FANCG: variants seen among roughly 807,000 people sequenced by gnomAD.
FANCG encodes Fanconi anemia group G protein.
A neutral mutation model predicts 73.3 loss-of-function variants in FANCG; 67 were observed. The observed-to-expected ratio is 0.91, with a 90% CI of 0.75 to 1.12. FANCG has a LOEUF of 1.12. FANCG is among the 50% of genes most tolerant of loss of function. The pLI, the probability that FANCG is intolerant of heterozygous loss-of-function variation, is 0.00. For missense variants in FANCG, 643 were observed against 735.6 expected, an observed-to-expected ratio of 0.87 and a Z score of 1.46; for synonymous variants, 297 against 311.6, an observed-to-expected ratio of 0.95 and a Z score of 0.49.
chr9:35,076,316 T>C lies in FANCG; in HGVS notation c.1076+116A>G, dbSNP rs901884441. ...GGTAAGAGGCTGAGGAGTGGCGACCTATGTCCTGCCACTGCCTCATTCATC... is the reference window on the plus strand; with the variant it reads ...GGTAAGAGGCTGAGGAGTGGCGACCCATGTCCTGCCACTGCCTCATTCATC... On this transcript the variant is annotated intron_variant, in intron 8 of 13. Coordinates refer to ENST00000378643, the MANE Select transcript of FANCG (RefSeq NM_004629.2). The C allele has an allele frequency of 1.1e-5, 14 of 1,264,642 alleles. No individual in the cohort carries two copies. In the African/African-American group the frequency reaches 2.1e-4, roughly 19 times the overall value. The allele number at this position is 1,264,642 out of a possible 1,614,324, so 78.3% of individuals were successfully genotyped here.
At chr9:35,074,608 T>C (rs1829046887) in intron 12 of FANCG, 114 bp from the exon 13 acceptor site, 1 of 1,398,796 alleles carries the variant, frequency 7.1e-7, no homozygotes, top group African/African-American at 1.4e-5. Flanking sequence ...TACACTCACA[T>C]ATGGAAGCGG....
chr9:35,076,627 CATACTTCCTT>C, intron 7 of FANCG, 44 bp from the exon 8 acceptor site: 2 of 1,614,074 alleles, frequency 1.2e-6, no homozygotes, highest in Non-Finnish European at 1.7e-6. Context: ...CTTTGGGAGC[CATACTTCCTT>C]ATACTTGGAT....
intron 13 of FANCG, 56 bp from the exon 14 acceptor site, chr9:35,074,272 G>C (rs1829037521): frequency 6.2e-7 from 1 of 1,610,198 alleles, no homozygotes; most frequent in Non-Finnish European, 8.5e-7. Flanking sequence ...AAGCTGGGCA[G>C]CCATACCCCC....
chr9:35,079,646 G>T lies in FANCG; in HGVS notation c.-122C>A. On this transcript the variant is annotated 5_prime_UTR_variant, in exon 1 of 14. Coordinates refer to ENST00000378643, the MANE Select transcript of FANCG (RefSeq NM_004629.2). The stretch of plus-strand genomic sequence containing the variant: ...CTTCTGCACCCCGCCGAGCTCCCCT[G>T]CTTCTCTCGGGGTCCCAATCCACCC... The T allele has an allele frequency of 2.4e-5, 23 of 949,702 alleles. No homozygotes were observed. The South Asian group carries it at 2.9e-4, about 12-fold the overall frequency. 58.8% of individuals were successfully genotyped at this position (949,702 alleles called of 1,614,324 possible).
Position 35,075,577 on chromosome 9 carries a change from C to T in FANCG, c.1321G>A (p.Gly441Arg). ...MSRLWEDARK[G>R]TKELPYCPLW... ...GGGCAGTATGGCAGTTCCTTGGTTC[C>T]TTTTCTGGCATCTTCCCACAGCCGG... The change falls in exon 10 of 14, where the codon GGA becomes AGA. Residue 441 changes from glycine (G) to arginine (R), a missense_variant. By Grantham distance (125) the Gly-to-Arg change is moderately radical (BLOSUM62 -2). Coordinates refer to ENST00000378643, the MANE Select transcript of FANCG (RefSeq NM_004629.2). 1 of 1,614,124 alleles carries T rather than the reference C, an allele frequency of 6.2e-7. No homozygotes were observed. The highest frequency in any genetic ancestry group is 8.5e-7 in the Non-Finnish European group (1 of 1,180,014).
intron 7 of FANCG, 34 bp downstream of exon 7, chr9:35,076,687 ATCC>A: frequency 6.2e-7 from 1 of 1,614,200 alleles, no homozygotes; most frequent in East Asian, 2.2e-5. Context: ...CACCTCAGGA[ATCC>A]TCCACCCCAC....
rs1269692271 is a variant in FANCG at position 35,076,450 on chromosome 9, C to G, written c.1058G>C (p.Arg353Thr). 8 of 1,614,018 alleles carry G rather than the reference C, an allele frequency of 5.0e-6. No homozygotes were observed. The highest frequency in any genetic ancestry group is 1.6e-4 in the Middle Eastern group (1 of 6,062). The change falls in exon 8 of 14, where the codon AGG (arginine) becomes ACG (threonine). Residue 353 changes from arginine to threonine, a missense_variant. Coordinates refer to ENST00000378643, the MANE Select transcript of FANCG (RefSeq NM_004629.2). ...QSQTKHILAS[R>T]CLQTGRAGDA... ...ACCTCACCTCCCCGTCTGTAGGCAC[C>G]TGCTTGCTAGTATGTGCTTGGTCTG...
At position 35,074,970 on chromosome 9, in the gene FANCG, G is replaced by C. The variant is rs763190093; in HGVS notation, c.1593C>G (p.Thr531=). The change falls in exon 12 of 14, where the codon ACC becomes ACG. Residue 531 remains threonine (T), a synonymous_variant. Coordinates refer to ENST00000378643, the MANE Select transcript of FANCG (RefSeq NM_004629.2). ...TGAGGAGGAAGTCCTGTAAGGCTTTGGTATCCTGGCCGCTGGCTACCCATT... is the reference window on the plus strand; with the variant it reads ...TGAGGAGGAAGTCCTGTAAGGCTTTCGTATCCTGGCCGCTGGCTACCCATT... ...GLEWVASGQD[T]KALQDFLLSV... is the part of the protein sequence containing the mutation. 4 of 1,614,010 alleles carry C rather than the reference G, an allele frequency of 2.5e-6. No homozygotes were observed. Among genetic ancestry groups the C allele is most frequent in the Non-Finnish European group, 3.4e-6 (4 of 1,179,994 alleles).
At chr9:35,075,905 T>A in intron 9 of FANCG, 57 bp downstream of exon 9, 1 of 1,595,966 alleles carries the variant, frequency 6.3e-7, no homozygotes, top group Non-Finnish European at 8.6e-7. Flanking sequence ...TTGCTGTATT[T>A]CAAAGGGGAC....
chr9:35,077,109 C>T lies in FANCG; in HGVS notation c.647-8G>A, dbSNP rs760680904. On this transcript the variant is annotated splice_region_variant and splice_polypyrimidine_tract_variant and intron_variant, in intron 5 of 13. Transcript: ENST00000378643. ...TGATCAGCTCCTGGAGACCTGAGGA[C>T]AGTCAGGGTGTGAGCTTGGAGAGGG... 1 of 1,614,152 alleles carries T rather than the reference C, an allele frequency of 6.2e-7. No homozygotes were observed. The highest frequency in any genetic ancestry group is 8.5e-7 in the Non-Finnish European group (1 of 1,180,028).
At position 35,076,035 on chromosome 9, in the gene FANCG, A is replaced by C; in HGVS notation, c.1077-7T>G. 1 of 1,613,880 alleles carries C rather than the reference A, an allele frequency of 6.2e-7. No homozygotes were observed. Among genetic ancestry groups the C allele is most frequent in the South Asian group, 1.1e-5 (1 of 91,084 alleles). On this transcript the variant is annotated splice_region_variant and splice_polypyrimidine_tract_variant and intron_variant, in intron 8 of 13. Transcript: ENST00000378643. ...CTCTGCAGCGTCTCCTGCCCTGAGGAGTAAAAGCCCATAAGCCTCACCCTA... is the reference window on the plus strand; with the variant it reads ...CTCTGCAGCGTCTCCTGCCCTGAGGCGTAAAAGCCCATAAGCCTCACCCTA...
chr9:35,079,435 T>C lies in FANCG; in HGVS notation c.84+6A>G. On this transcript the variant is annotated splice_donor_region_variant and intron_variant, in intron 1 of 13. Coordinates refer to ENST00000378643, the MANE Select transcript of FANCG (RefSeq NM_004629.2). The stretch of plus-strand genomic sequence containing the variant: ...TGCAAACCGAGGGTGCCAGCAACCG[T>C]GTTACCTTGGCCTGTCGAACGAGCC... The C allele has an allele frequency of 6.2e-7, 1 of 1,614,076 alleles. No individual in the cohort carries two copies. Among genetic ancestry groups the C allele is most frequent in the Non-Finnish European group, 8.5e-7 (1 of 1,180,022 alleles).
rs574975594 is a variant in FANCG at position 35,077,044 on chromosome 9, G to A, written c.704C>T (p.Ala235Val). 82 of 1,614,196 alleles carry A rather than the reference G, an allele frequency of 5.1e-5. No homozygotes were observed. The highest frequency in any genetic ancestry group is 9.3e-5 in the African/African-American group (7 of 75,050). Residue 235 changes from alanine (A) to valine (V), a missense_variant, in exon 6 of 14, where the codon GCG (alanine) becomes GTG (valine). Transcript: ENST00000378643. ...PDKALSSLHEAASGLCPRPVL... is the reference protein window; with the variant it reads ...PDKALSSLHEVASGLCPRPVL... ...AGGCCGTGGACACAGGCCTGAGGCCGCTTCATGAAGGCTGCTTAGTGCCTT... is the reference window on the plus strand; with the variant it reads ...AGGCCGTGGACACAGGCCTGAGGCCACTTCATGAAGGCTGCTTAGTGCCTT...
At chr9:35,078,453 A>C in intron 3 of FANCG, 110 bp from the exon 4 acceptor site, 1 of 1,517,930 alleles carries the variant, frequency 6.6e-7, no homozygotes, top group Non-Finnish European at 9.1e-7. Flanking sequence ...CAAAGGTCAC[A>C]ATAATAATAC....
chr9:35,078,857 G>A, intron 2 of FANCG, 121 bp from the exon 3 acceptor site: 2 of 1,332,918 alleles, frequency 1.5e-6, no homozygotes, highest in South Asian at 2.5e-5. Flanking sequence ...CCACCCTCCA[G>A]CCAATTAGCT....
chr9:35,077,360 A>C lies in FANCG; in HGVS notation c.550T>G (p.Trp184Gly). The change falls in exon 5 of 14, where the codon TGG (tryptophan) becomes GGG (glycine). Residue 184 changes from tryptophan to glycine, a missense_variant. Physicochemically the swap from Trp to Gly is radical, Grantham distance 184. Transcript: ENST00000378643. Reference protein sequence around the residue: ...SKDLLLLLKTWSPPAEELDAP... With the variant: ...SKDLLLLLKTGSPPAEELDAP... ...TCTAATTCCTCAGCTGGGGGACTCC[A>C]AGTTTTCAGAAGTAACAGCAGATCC... 1 of 1,614,160 alleles carries C rather than the reference A, an allele frequency of 6.2e-7. No homozygotes were observed. Among genetic ancestry groups the C allele is most frequent in the Non-Finnish European group, 8.5e-7 (1 of 1,180,022 alleles).
At chr9:35,076,230 T>C (rs1829080356) in intron 8 of FANCG, 1 of 789,170 alleles carries the variant, frequency 1.3e-6, no homozygotes, top group African/African-American at 1.7e-5. Flanking sequence ...GACTTCAGAG[T>C]GTCAAAGATA....
chr9:35,076,946 C>A (rs774201222), intron 6 of FANCG, 25 bp downstream of exon 6: 1 of 1,614,204 alleles, frequency 6.2e-7, no homozygotes. Flanking sequence ...GTGGTTTCCC[C>A]AATCCACCCT....
At chr9:35,079,355 C>G in intron 1 of FANCG, 86 bp downstream of exon 1, 1 of 1,561,926 alleles carries the variant, frequency 6.4e-7, no homozygotes, top group Non-Finnish European at 8.8e-7. Context: ...AGCTCAGTCC[C>G]TCCCCATCGG....
Sources: allele counts gnomAD v4.1 joint callset, GRCh38; gene constraint gnomAD v4.1.1; transcripts MANE v1.5; gene names NCBI Gene and HGNC (gene_info 2026-07-23, HGNC 2026-07-21).